The following GOLT1B variants were observed in gnomAD, a reference collection of about 807,000 sequenced individuals.
The protein encoded by GOLT1B is vesicle transport protein GOT1B.
A neutral mutation model predicts 15.4 loss-of-function variants in GOLT1B; 3 were observed. The observed-to-expected ratio is 0.19, with a 90% CI of 0.09 to 0.50. The LOEUF (loss-of-function observed/expected upper bound fraction) is 0.50. GOLT1B is among the 20% of genes least tolerant of loss of function. GOLT1B has a pLI of 0.97. For synonymous variants in GOLT1B, 65 were observed against 56.2 expected, an observed-to-expected ratio of 1.16 and a Z score of -0.70; for missense variants, 145 against 160.4, an observed-to-expected ratio of 0.90 and a Z score of 0.52.
At chr12:21,514,654 T>G (rs1360062031) in intron 4 of GOLT1B, among the ~76,000 whole-genome samples, 1 of 152,174 alleles carries the variant, frequency 6.6e-6, no homozygotes, top group Non-Finnish European at 1.5e-5. Context: ...CTGATTTCAT[T>G]TGCATTAATC....
intron 1 of GOLT1B, 30 bp downstream of exon 1, chr12:21,501,978 G>T (rs1372781928): frequency 6.4e-7 from 1 of 1,560,208 alleles, no homozygotes; most frequent in South Asian, 1.1e-5. Flanking sequence ...CCCCCGCCTC[G>T]AGCCGCGCAC....
At chr12:21,508,121 T>C in intron 2 of GOLT1B, 1 of 431,798 alleles carries the variant, frequency 2.3e-6, no homozygotes, top group Non-Finnish European at 4.2e-6. Context: ...TAACGTCTAA[T>C]CTTTCTTTGT....
At chr12:21,503,132 C>G (rs187842112) in intron 1 of GOLT1B, among the ~76,000 whole-genome samples, 80 of 152,250 alleles carry the variant, frequency 5.3e-4, no homozygotes, top group Non-Finnish European at 9.9e-4. Context: ...CTGGCCTGTT[C>G]TGATCAAAGA....
rs752415804 is a variant in GOLT1B, at chr12:21,506,961, A to G, written c.102A>G (p.Leu34=). ...FGMILFFDKA[L]LAIGNVLFVA... is the part of the protein sequence containing the mutation. ...TGATTCTCTTTTTTGACAAAGCACT[A>G]CTGGCTATTGGAAATGTGAGTTTTT... The change falls in exon 2 of 5, where the codon CTA becomes CTG. Residue 34 remains leucine, a synonymous_variant. Transcript: ENST00000229314. The G allele has an allele frequency of 1.5e-6, 2 of 1,366,138 alleles. No individual in the cohort carries two copies. The highest frequency in any genetic ancestry group is 3.4e-5 in the Admixed American group (2 of 58,966). 84.6% of individuals were successfully genotyped at this position (1,366,138 alleles called of 1,614,324 possible). A position where few individuals can be genotyped will look rare whatever the true frequency, so the allele number is the denominator to read the frequency against.
At chr12:21,514,695 A>G (rs1261951364) in intron 4 of GOLT1B, among the ~76,000 whole-genome samples, 1 of 152,198 alleles carries the variant, frequency 6.6e-6, no homozygotes, top group African/African-American at 2.4e-5. Flanking sequence ...AGTGTTATTT[A>G]TACCTAGAAT....
chr12:21,505,938 A>C lies in GOLT1B; in HGVS notation c.26-947A>C, dbSNP rs575279143. Among the ~76,000 whole-genome samples the C allele has an allele frequency of 3.3e-4, 50 of 152,236 alleles. 1 individual carries two copies. The highest frequency in any genetic ancestry group is 1.2e-3 in the African/African-American group (49 of 41,572). Reference sequence around the variant, plus strand: ...AATAGAAGAGTACATCTGTCACCTTAGAAGTTAAGACTTTTCATACTAAAA... The same window carrying C: ...AATAGAAGAGTACATCTGTCACCTTCGAAGTTAAGACTTTTCATACTAAAA... On this transcript the variant is annotated intron_variant, in intron 1 of 4. Transcript: ENST00000229314.
intron 1 of GOLT1B, 48 bp downstream of exon 1, chr12:21,501,996 G>A (rs773625355): frequency 4.1e-5 from 58 of 1,402,710 alleles, no homozygotes; most frequent in Non-Finnish European, 5.5e-5. Flanking sequence ...CACACCCATC[G>A]CCCGGCTGGG....
chr12:21,503,383 G>A (rs141772655), intron 1 of GOLT1B, among the ~76,000 whole-genome samples: 4 of 152,318 alleles, frequency 2.6e-5, no homozygotes, highest in African/African-American at 9.6e-5. Context: ...TCCCAGGTGT[G>A]CTGGCTCAGA....
intron 3 of GOLT1B, among the ~76,000 whole-genome samples, chr12:21,510,972 G>A (rs1017752575): frequency 3.3e-5 from 5 of 152,098 alleles, no homozygotes; most frequent in Admixed American, 6.5e-5. Flanking sequence ...GGGTTTTCCC[G>A]ATATCGCAAT....
chr12:21,502,706 C>T (rs909084029), intron 1 of GOLT1B, among the ~76,000 whole-genome samples: 3 of 152,094 alleles, frequency 2.0e-5, no homozygotes, highest in African/African-American at 7.2e-5. Flanking sequence ...GTTTCCTTTT[C>T]TTTCATTATA....
Position 21,516,597 on chromosome 12 carries a change from CTTCT to C in GOLT1B, c.*897_*900del, listed in dbSNP as rs1565583854. 6.6e-6 allele frequency: 1 copy of C among 151,790 alleles called. No homozygotes were observed. Among genetic ancestry groups the C allele is most frequent in the Non-Finnish European group, 1.5e-5 (1 of 67,830 alleles). 9.4% of individuals were successfully genotyped at this position (151,790 alleles called of 1,614,324 possible). A position where few individuals can be genotyped will look rare whatever the true frequency, so the allele number is the denominator to read the frequency against. ...CCATGTCATGATGTAATTTTTCTTTCTTCTTTCTTTTTTTTAAATTTTAGCAGTG... is the reference window on the plus strand; with the variant it reads ...CCATGTCATGATGTAATTTTTCTTTCTTCTTTTTTTTAAATTTTAGCAGTG... On this transcript the variant is annotated 3_prime_UTR_variant, in exon 5 of 5. Transcript: ENST00000229314.
chr12:21,510,474 A>G (rs964662072), intron 3 of GOLT1B, among the ~76,000 whole-genome samples: 2 of 152,210 alleles, frequency 1.3e-5, no homozygotes, highest in Non-Finnish European at 2.9e-5. Flanking sequence ...AGCTTGGAGT[A>G]ATACACAGGT....
rs1565584325 is a variant in GOLT1B, at chr12:21,518,256, TC to T, written c.*2550del. The T allele has an allele frequency of 6.6e-6, 1 of 152,138 alleles. No homozygotes were observed. The highest frequency in any genetic ancestry group is 1.5e-5 in the Non-Finnish European group (1 of 67,982). 9.4% of individuals were successfully genotyped at this position (152,138 alleles called of 1,614,324 possible). ...AAAAAATTAGCCTTATATGCAGTGT[TC>T]TATTTATCAAATGATCTTCACATCT... is the stretch of plus-strand genomic sequence containing the variant. On this transcript the variant is annotated 3_prime_UTR_variant, in exon 5 of 5. Coordinates refer to ENST00000229314, the MANE Select transcript of GOLT1B (RefSeq NM_016072.5).
chr12:21,507,891 C>T (rs926601203), intron 2 of GOLT1B: 14 of 446,238 alleles, frequency 3.1e-5, no homozygotes, highest in African/African-American at 1.8e-4. Context: ...CTTGGCTTCA[C>T]GTTGTTTCTT....
In GOLT1B at chr12:21,515,889, A is replaced by G. The variant is rs995152327; in HGVS notation, c.*182A>G. The G allele has an allele frequency of 1.3e-5, 6 of 475,788 alleles. No homozygotes were observed. Among genetic ancestry groups the G allele is most frequent in the African/African-American group, 1.0e-4 (5 of 49,060 alleles). 29.5% of individuals were successfully genotyped at this position (475,788 alleles called of 1,614,324 possible). A position where few individuals can be genotyped will look rare whatever the true frequency, so the allele number is the denominator to read the frequency against. ...AAAGAAGCAGTGAAAACAGGCTTCTACTCAAGTGAACTAAGAAGAAGTCAG... is the reference window on the plus strand; with the variant it reads ...AAAGAAGCAGTGAAAACAGGCTTCTGCTCAAGTGAACTAAGAAGAAGTCAG... On this transcript the variant is annotated 3_prime_UTR_variant, in exon 5 of 5. Transcript: ENST00000229314.
intron 4 of GOLT1B, among the ~76,000 whole-genome samples, chr12:21,512,600 A>T (rs1441516327): frequency 1.3e-5 from 2 of 152,114 alleles, no homozygotes; most frequent in African/African-American, 2.4e-5. Context: ...CATATTCTCT[A>T]TTTTTTAATG....
intron 2 of GOLT1B, 107 bp from the exon 3 acceptor site, chr12:21,508,276 G>A: frequency 1.4e-6 from 1 of 707,618 alleles, no homozygotes; most frequent in Middle Eastern, 4.0e-4. Flanking sequence ...CACATTAAAA[G>A]CCAAACAAAT....
At chr12:21,515,323 A>G in intron 4 of GOLT1B, 1 of 853,922 alleles carries the variant, frequency 1.2e-6, no homozygotes, top group South Asian at 1.7e-5. Flanking sequence ...CTGACATTTC[A>G]GTTTTTTTTA....
chr12:21,510,870 A>G (rs998353383), intron 3 of GOLT1B, among the ~76,000 whole-genome samples: 1 of 152,194 alleles, frequency 6.6e-6, no homozygotes, highest in African/African-American at 2.4e-5. Flanking sequence ...TAGTATTTTC[A>G]TCCCTATCTA....
Sources: allele counts gnomAD v4.1 joint callset (sites outside exome capture counted in the v4.1 genomes callset), GRCh38; gene constraint gnomAD v4.1.1; transcripts MANE v1.5; gene names NCBI Gene and HGNC (gene_info 2026-07-23, HGNC 2026-07-21).